The following DRC11 variants were observed in gnomAD, a reference collection of about 807,000 sequenced individuals.
The protein encoded by DRC11 is IQ and AAA domain-containing protein 1.
the DRC11 span, among the ~76,000 whole-genome samples, chr2:236,337,905 G>T: frequency 2.6e-5 from 4 of 151,880 alleles, no homozygotes; most frequent in Non-Finnish European, 5.9e-5. The surrounding 1 kb of genome is among the most constrained non-coding windows in gnomAD (Gnocchi z 4.9). Context: ...TAATCTACCC[G>T]TCCCAAGAAA....
the DRC11 span, among the ~76,000 whole-genome samples, chr2:236,376,502 C>T: frequency 6.6e-6 from 1 of 152,168 alleles, no homozygotes; most frequent in Non-Finnish European, 1.5e-5. The surrounding 1 kb of genome is among the most constrained non-coding windows in gnomAD (Gnocchi z 5.7). Flanking sequence ...TGTTGTCATT[C>T]ATTGGGGGTA....
chr2:236,381,198 G>A, the DRC11 span, among the ~76,000 whole-genome samples: 2 of 152,286 alleles, frequency 1.3e-5, no homozygotes, highest in Admixed American at 1.3e-4. This position sits in a 1 kb window ranked among gnomAD's most constrained non-coding sequence, Gnocchi z 5.8. Flanking sequence ...AGTGGATAAT[G>A]AGGCCTCACC....
chr2:236,421,245 C>G, the DRC11 span, among the ~76,000 whole-genome samples: 1 of 151,926 alleles, frequency 6.6e-6, no homozygotes, highest in African/African-American at 2.4e-5. Context: ...CACAAAAAAC[C>G]CTTCAAAAAA....
At chr2:236,492,169 C>T in the DRC11 span, among the ~76,000 whole-genome samples, 1 of 152,198 alleles carries the variant, frequency 6.6e-6, no homozygotes, top group South Asian at 2.1e-4. Context: ...CTTTAAATTA[C>T]CCAGTCTGTG....
chr2:236,418,335 G>A, the DRC11 span, among the ~76,000 whole-genome samples: 2 of 152,154 alleles, frequency 1.3e-5, no homozygotes, highest in Admixed American at 6.5e-5. Context: ...GTGATAATGA[G>A]CTTCTTTTCA....
the DRC11 span, among the ~76,000 whole-genome samples, chr2:236,317,253 G>A: frequency 5.3e-5 from 8 of 151,712 alleles, no homozygotes; most frequent in South Asian, 1.3e-3. This position sits in a 1 kb window ranked among gnomAD's most constrained non-coding sequence, Gnocchi z 5.4. Context: ...CTGAGATCGC[G>A]CCACTGCACT....
the DRC11 span, chr2:236,407,834 C>T: frequency 1.6e-5 from 5 of 307,290 alleles, no homozygotes; most frequent in Non-Finnish European, 3.2e-5. Context: ...GCTGCAAAAT[C>T]TATTCCTGGC....
chr2:236,352,279 G>A, the DRC11 span, among the ~76,000 whole-genome samples: 1 of 152,274 alleles, frequency 6.6e-6, no homozygotes, highest in South Asian at 2.1e-4. This position sits in a 1 kb window ranked among gnomAD's most constrained non-coding sequence, Gnocchi z 7.0. Context: ...GGGGAGTGGA[G>A]GGAACAGAGC....
At chr2:236,414,939 C>A in the DRC11 span, among the ~76,000 whole-genome samples, 1 of 152,160 alleles carries the variant, frequency 6.6e-6, no homozygotes, top group South Asian at 2.1e-4. Flanking sequence ...TGGAAATTCA[C>A]ACAGAAACAC....
the DRC11 span, among the ~76,000 whole-genome samples, chr2:236,377,885 G>A: frequency 3.3e-5 from 5 of 152,100 alleles, no homozygotes; most frequent in Admixed American, 3.3e-4. This position sits in a 1 kb window ranked among gnomAD's most constrained non-coding sequence, Gnocchi z 4.9. Context: ...TACTTGCTGG[G>A]GTTTGGCTTG....
At chr2:236,341,822 G>A in the DRC11 span, among the ~76,000 whole-genome samples, 2 of 152,180 alleles carry the variant, frequency 1.3e-5, no homozygotes, top group African/African-American at 4.8e-5. Context: ...GCAGCTGTGC[G>A]CCTTCTGGGA....
At chr2:236,421,318 CTAAT>C in the DRC11 span, among the ~76,000 whole-genome samples, 2 of 151,582 alleles carry the variant, frequency 1.3e-5, no homozygotes, top group African/African-American at 4.9e-5. Context: ...GCTAGCAAGA[CTAAT>C]AAAGAAGAAA....
the DRC11 span, among the ~76,000 whole-genome samples, chr2:236,309,382 G>C: frequency 3.3e-5 from 5 of 152,026 alleles, no homozygotes; most frequent in African/African-American, 4.8e-5. The surrounding 1 kb of genome is among the most constrained non-coding windows in gnomAD (Gnocchi z 5.7). Flanking sequence ...AGCCCATCCC[G>C]AGAGGTTCCA....
chr2:236,455,558 G>A, the DRC11 span, among the ~76,000 whole-genome samples: 1 of 152,154 alleles, frequency 6.6e-6, no homozygotes, highest in Non-Finnish European at 1.5e-5. The surrounding 1 kb of genome is among the most constrained non-coding windows in gnomAD (Gnocchi z 5.7). Context: ...TCCATTGCCC[G>A]AAGCTCTCTG....
the DRC11 span, among the ~76,000 whole-genome samples, chr2:236,396,604 G>A: frequency 2.2e-3 from 342 of 152,188 alleles, no homozygotes; most frequent in African/African-American, 7.9e-3. Context: ...CTTCCCATGG[G>A]AGCATTAGAT....
chr2:236,368,582 T>C, the DRC11 span: 1 of 277,220 alleles, frequency 3.6e-6, no homozygotes, highest in Non-Finnish European at 6.8e-6. Context: ...AACATTTGAA[T>C]ATAGAGTTAT....
At chr2:236,314,312 A>G in the DRC11 span, among the ~76,000 whole-genome samples, 2 of 152,226 alleles carry the variant, frequency 1.3e-5, no homozygotes, top group East Asian at 1.9e-4. This position sits in a 1 kb window ranked among gnomAD's most constrained non-coding sequence, Gnocchi z 4.5. Flanking sequence ...ACCATACATG[A>G]TAAACATTCT....
At chr2:236,437,139 T>C in the DRC11 span, among the ~76,000 whole-genome samples, 19 of 138,642 alleles carry the variant, frequency 1.4e-4, no homozygotes, top group Middle Eastern at 7.5e-3. Flanking sequence ...CCCCTTCCTC[T>C]GTCCATGTGT....
At chr2:236,380,480 G>T in the DRC11 span, 1 of 958,048 alleles carries the variant, frequency 1.0e-6, no homozygotes. This position sits in a 1 kb window ranked among gnomAD's most constrained non-coding sequence, Gnocchi z 4.9. Flanking sequence ...AAGAGGGCGT[G>T]GCATCACAGA....
Sources: allele counts gnomAD v4.1 joint callset (sites outside exome capture counted in the v4.1 genomes callset), GRCh38; gene constraint gnomAD v4.1.1; non-coding constraint Gnocchi (gnomAD v3.1); transcripts MANE v1.5; gene names NCBI Gene and HGNC (gene_info 2026-07-23, HGNC 2026-07-21).